Variants in ASTN2 observed in about 807,000 individuals in gnomAD.
ASTN2 encodes astrotactin 2.
In ASTN2, 54 loss-of-function variants were observed where a neutral mutation model predicts 139.8. The ratio of observed to expected loss-of-function variants is 0.39; its 90% confidence interval spans 0.31 to 0.48. ASTN2 has a LOEUF of 0.48. Among genes scored for constraint, ASTN2 ranks in the 20% least tolerant of loss-of-function variants. The pLI, the probability that ASTN2 is intolerant of heterozygous loss-of-function variation, is 0.95. For synonymous variants in ASTN2, 756 were observed against 719.5 expected (o/e 1.05, Z -0.81); for missense variants, 1,565 against 1,725.1 (o/e 0.91, Z 1.64).
chr9:117,078,762 G>A (rs1428996241), intron 5 of ASTN2, among the ~76,000 whole-genome samples: 1 of 152,074 alleles, frequency 6.6e-6, no homozygotes, highest in African/African-American at 2.4e-5. Context: ...TTGAGATGGA[G>A]TCTCACTCTG....
chr9:116,828,592 C>G (rs1831711288), intron 11 of ASTN2, among the ~76,000 whole-genome samples: 1 of 152,044 alleles, frequency 6.6e-6, no homozygotes, highest in African/African-American at 2.4e-5. Flanking sequence ...AAGGCCATGA[C>G]CCACAGCCAT....
intron 16 of ASTN2, among the ~76,000 whole-genome samples, chr9:116,667,309 G>A (rs1011323772): frequency 6.6e-6 from 1 of 151,946 alleles, no homozygotes; most frequent in Non-Finnish European, 1.5e-5. Context: ...AGCAGTTAAG[G>A]TAATTTGAAT....
chr9:116,854,542 T>C (rs377414986), intron 11 of ASTN2, among the ~76,000 whole-genome samples: 58 of 152,124 alleles, frequency 3.8e-4, no homozygotes, highest in African/African-American at 1.3e-3. Context: ...GGGATGGTAG[T>C]GGGAGATGGT....
At chr9:116,907,438 C>T (rs773319241) in intron 10 of ASTN2, among the ~76,000 whole-genome samples, 10 of 152,200 alleles carry the variant, frequency 6.6e-5, no homozygotes, top group Non-Finnish European at 1.2e-4. Context: ...TGACAGCTTG[C>T]TCAAATCCCA....
At chr9:117,093,084 C>T (rs1003152145) in intron 5 of ASTN2, among the ~76,000 whole-genome samples, 8 of 152,128 alleles carry the variant, frequency 5.3e-5, no homozygotes, top group African/African-American at 7.2e-5. Flanking sequence ...CCCCATGTCC[C>T]ATTCACACAC....
chr9:116,911,143 G>C (rs1032148050), intron 10 of ASTN2, among the ~76,000 whole-genome samples: 1 of 152,134 alleles, frequency 6.6e-6, no homozygotes, highest in Non-Finnish European at 1.5e-5. Flanking sequence ...ATCTTCATTC[G>C]CAAGCGAGTA....
At chr9:117,021,047 A>G (rs1262355877) in intron 6 of ASTN2, among the ~76,000 whole-genome samples, 2 of 152,064 alleles carry the variant, frequency 1.3e-5, no homozygotes, top group African/African-American at 4.8e-5. Context: ...AGCTGGGACT[A>G]CAGGTACATG....
chr9:117,356,556 A>G (rs914531128), intron 1 of ASTN2, among the ~76,000 whole-genome samples: 6 of 152,238 alleles, frequency 3.9e-5, no homozygotes, highest in Non-Finnish European at 5.9e-5. Flanking sequence ...GTATGCCAGC[A>G]CTGGCTCTAC....
chr9:116,899,558 A>C (rs548404205), intron 10 of ASTN2, among the ~76,000 whole-genome samples: 23 of 152,338 alleles, frequency 1.5e-4, no homozygotes, highest in African/African-American at 5.3e-4. Context: ...TATCTGACAT[A>C]ACCAACTCCA....
At chr9:116,940,266 G>A (rs866795865) in intron 10 of ASTN2, among the ~76,000 whole-genome samples, 1 of 152,140 alleles carries the variant, frequency 6.6e-6, no homozygotes, top group Non-Finnish European at 1.5e-5. Context: ...TTATTTGAGA[G>A]TGTAGTCCTA....
At chr9:116,653,016 G>C (rs1244458726) in intron 16 of ASTN2, among the ~76,000 whole-genome samples, 1 of 152,110 alleles carries the variant, frequency 6.6e-6, no homozygotes, top group Non-Finnish European at 1.5e-5. Context: ...TTCTGAATAA[G>C]TGTTTCTATT....
At chr9:116,946,528 T>G (rs1215288040) in intron 10 of ASTN2, among the ~76,000 whole-genome samples, 1 of 152,146 alleles carries the variant, frequency 6.6e-6, no homozygotes, top group Non-Finnish European at 1.5e-5. Context: ...TGTACAACTT[T>G]CTCGAAATCT....
At chr9:116,837,728 A>G (rs1025570692) in intron 11 of ASTN2, among the ~76,000 whole-genome samples, 2 of 152,162 alleles carry the variant, frequency 1.3e-5, no homozygotes, top group Admixed American at 6.5e-5. Context: ...AAACAGAACA[A>G]TTTGTCCTAG....
intron 19 of ASTN2, among the ~76,000 whole-genome samples, chr9:116,566,319 C>G (rs1300370066): frequency 6.6e-6 from 1 of 152,172 alleles, no homozygotes; most frequent in Non-Finnish European, 1.5e-5. Context: ...TCACCCAATA[C>G]TGGGCTCATT....
intron 16 of ASTN2, among the ~76,000 whole-genome samples, chr9:116,654,172 T>C (rs1486691807): frequency 6.6e-6 from 1 of 152,198 alleles, no homozygotes; most frequent in Admixed American, 6.5e-5. Flanking sequence ...CAACAAACTA[T>C]GGCCCATGGG....
chr9:116,492,946 C>G (rs1444682021), intron 19 of ASTN2, among the ~76,000 whole-genome samples: 2 of 152,166 alleles, frequency 1.3e-5, no homozygotes, highest in African/African-American at 4.8e-5. Flanking sequence ...CACTAACCTT[C>G]AACTAGATCA....
At chr9:117,391,311 C>T (rs1247337502) in intron 1 of ASTN2, among the ~76,000 whole-genome samples, 1 of 152,170 alleles carries the variant, frequency 6.6e-6, no homozygotes, top group African/African-American at 2.4e-5. Context: ...ATACCCAAGA[C>T]TGGGCAATTT....
chr9:116,614,620 G>A (rs1855741160), intron 19 of ASTN2, among the ~76,000 whole-genome samples: 1 of 152,042 alleles, frequency 6.6e-6, no homozygotes, highest in South Asian at 2.1e-4. Context: ...CAAGAAATGG[G>A]GAAAGGATTC....
Position 116,699,817 on chromosome 9 carries a change from G to T in ASTN2, c.2806+25954C>A. Reference sequence around the variant, plus strand: ...TCAGCCTATGTCCTGATTCCAGCTGGGTAGTTCTAGAACTTCAGAAGCTCC... The same window carrying T: ...TCAGCCTATGTCCTGATTCCAGCTGTGTAGTTCTAGAACTTCAGAAGCTCC... On this transcript the variant is annotated intron_variant, in intron 16 of 22. Coordinates refer to ENST00000313400, the MANE Select transcript of ASTN2 (RefSeq NM_001365068.1). The surrounding 1 kb of genome is among the most constrained non-coding windows in gnomAD (Gnocchi z 4.2). 6.9e-7 allele frequency: 1 copy of T among 1,458,032 alleles called. No homozygotes were observed. The highest frequency in any genetic ancestry group is 1.8e-5 in the Admixed American group (1 of 54,078). 90.3% of individuals were successfully genotyped at this position (1,458,032 alleles called of 1,614,324 possible). A position where few individuals can be genotyped will look rare whatever the true frequency, so the allele number is the denominator to read the frequency against.
Sources: allele counts gnomAD v4.1 joint callset (sites outside exome capture counted in the v4.1 genomes callset), GRCh38; gene constraint gnomAD v4.1.1; non-coding constraint Gnocchi (gnomAD v3.1); transcripts MANE v1.5; gene names NCBI Gene and HGNC (gene_info 2026-07-23, HGNC 2026-07-21).